The following PRDM5 variants were observed in gnomAD, a reference collection of about 807,000 sequenced individuals.
The protein encoded by PRDM5 is PR/SET domain 5.
PRDM5 carries 56 observed loss-of-function variants against 81.2 expected under a neutral mutation model. The observed-to-expected ratio is 0.69, with a 90% CI of 0.56 to 0.86. PRDM5 has a LOEUF of 0.86. Among genes scored for constraint, PRDM5 ranks in the 40% least tolerant of loss-of-function variants. The pLI is 0.00. For synonymous variants in PRDM5, 267 were observed against 256.4 expected (o/e 1.04, Z -0.39); for missense variants, 697 against 770.1 (o/e 0.91, Z 1.12).
At chr4:120,724,665 G>A (rs1333759252) in intron 14 of PRDM5, among the ~76,000 whole-genome samples, 2 of 152,100 alleles carry the variant, frequency 1.3e-5, no homozygotes, top group African/African-American at 4.8e-5. Flanking sequence ...AGGTGTGCAG[G>A]AGAAAGGAAT....
At chr4:120,802,947 T>TA (rs1250133765) in intron 8 of PRDM5, among the ~76,000 whole-genome samples, 1 of 152,148 alleles carries the variant, frequency 6.6e-6, no homozygotes, top group African/African-American at 2.4e-5. Context: ...GCAGAGAAGC[T>TA]AAAAACCTTG....
At chr4:120,862,133 G>A in intron 2 of PRDM5, among the ~76,000 whole-genome samples, 1 of 152,218 alleles carries the variant, frequency 6.6e-6, no homozygotes, top group East Asian at 1.9e-4. Flanking sequence ...AGTTACTAAG[G>A]TAATTCTCAT....
intron 2 of PRDM5, among the ~76,000 whole-genome samples, 169 bp from the exon 3 acceptor site, chr4:120,853,709 A>G (rs1253555881): frequency 6.6e-6 from 1 of 152,210 alleles, no homozygotes; most frequent in Non-Finnish European, 1.5e-5. Flanking sequence ...ATGTAGAAAT[A>G]CAGCCTACTA....
chr4:120,794,031 A>C (rs1287296202), intron 10 of PRDM5, among the ~76,000 whole-genome samples: 1 of 152,236 alleles, frequency 6.6e-6, no homozygotes, highest in East Asian at 1.9e-4. Context: ...TAAGGCAAGC[A>C]ATTTGCCATT....
At chr4:120,905,403 C>T (rs1256257460) in intron 2 of PRDM5, among the ~76,000 whole-genome samples, 5 of 152,116 alleles carry the variant, frequency 3.3e-5, no homozygotes, top group African/African-American at 1.2e-4. Context: ...TTTGTAGATG[C>T]GGTTAACATC....
chr4:120,825,878 C>A (rs1755914402), intron 3 of PRDM5, among the ~76,000 whole-genome samples: 1 of 152,058 alleles, frequency 6.6e-6, no homozygotes, highest in Admixed American at 6.6e-5. Context: ...AGGTGTCCAA[C>A]CATGAAGTCT....
chr4:120,867,153 C>T (rs889343918), intron 2 of PRDM5, among the ~76,000 whole-genome samples: 3 of 152,082 alleles, frequency 2.0e-5, no homozygotes, highest in Non-Finnish European at 2.9e-5. Context: ...CAAATTGATC[C>T]TCAAAGCCTC....
At chr4:120,793,484 C>T (rs34151748) in intron 10 of PRDM5, among the ~76,000 whole-genome samples, 1 of 151,944 alleles carries the variant, frequency 6.6e-6, no homozygotes, top group African/African-American at 2.4e-5. Context: ...CATCCCCTGC[C>T]CAACACTGGT....
At chr4:120,712,200 C>T (rs1428077948) in intron 14 of PRDM5, among the ~76,000 whole-genome samples, 2 of 152,216 alleles carry the variant, frequency 1.3e-5, no homozygotes, top group South Asian at 2.1e-4. Context: ...GCAGGAGAAT[C>T]GCTTGAACCC....
At chr4:120,843,951 A>G (rs967773616) in intron 3 of PRDM5, among the ~76,000 whole-genome samples, 3 of 152,138 alleles carry the variant, frequency 2.0e-5, no homozygotes, top group Non-Finnish European at 2.9e-5. Flanking sequence ...CACAGCAAGC[A>G]CAATGTCATC....
intron 14 of PRDM5, among the ~76,000 whole-genome samples, chr4:120,724,732 T>A (rs1204688205): frequency 6.6e-6 from 1 of 152,160 alleles, no homozygotes; most frequent in Non-Finnish European, 1.5e-5. Context: ...AACATACTTA[T>A]CCCATTACAC....
chr4:120,707,682 G>T (rs1317657331), intron 15 of PRDM5, among the ~76,000 whole-genome samples: 1 of 151,070 alleles, frequency 6.6e-6, no homozygotes, highest in Non-Finnish European at 1.5e-5. Flanking sequence ...ATGCATAAAG[G>T]GCACTTCATC....
intron 14 of PRDM5, among the ~76,000 whole-genome samples, chr4:120,754,036 C>A (rs1001262324): frequency 6.6e-6 from 1 of 152,108 alleles, no homozygotes; most frequent in Non-Finnish European, 1.5e-5. Flanking sequence ...GAACAAAGGG[C>A]ACCCTGGGAA....
At chr4:120,903,469 A>T (rs1202019614) in intron 2 of PRDM5, among the ~76,000 whole-genome samples, 1 of 152,210 alleles carries the variant, frequency 6.6e-6, no homozygotes, top group Non-Finnish European at 1.5e-5. Flanking sequence ...TCAACATAAT[A>T]AGGGACAAGA....
At chr4:120,859,523 C>G (rs928770009) in intron 2 of PRDM5, among the ~76,000 whole-genome samples, 6 of 152,146 alleles carry the variant, frequency 3.9e-5, no homozygotes, top group Non-Finnish European at 8.8e-5. Flanking sequence ...TCACACCCAG[C>G]CATGTCAGCT....
chr4:120,735,516 G>A (rs1274601714), intron 14 of PRDM5, among the ~76,000 whole-genome samples: 13 of 152,136 alleles, frequency 8.5e-5, no homozygotes, highest in Non-Finnish European at 1.5e-5. Context: ...TTGTGCTACT[G>A]TACCCTACTG....
chr4:120,749,412 A>G (rs1448054492), intron 14 of PRDM5, among the ~76,000 whole-genome samples: 1 of 152,140 alleles, frequency 6.6e-6, no homozygotes, highest in Non-Finnish European at 1.5e-5. Context: ...TTCGTAAGAA[A>G]GATTAGAGGC....
intron 10 of PRDM5, among the ~76,000 whole-genome samples, chr4:120,787,402 TG>T (rs1749915144): frequency 6.6e-6 from 1 of 152,142 alleles, no homozygotes; most frequent in African/African-American, 2.4e-5. Flanking sequence ...CTAAGAGAGA[TG>T]TAACTTTCTG....
intron 1 of PRDM5, among the ~76,000 whole-genome samples, chr4:120,918,929 C>G (rs1337834055): frequency 6.6e-6 from 1 of 152,162 alleles, no homozygotes. Context: ...GACTTTATTT[C>G]TCCTAAATGG....
Sources: allele counts gnomAD v4.1 joint callset (sites outside exome capture counted in the v4.1 genomes callset), GRCh38; gene constraint gnomAD v4.1.1; transcripts MANE v1.5; gene names NCBI Gene and HGNC (gene_info 2026-07-23, HGNC 2026-07-21).